The following CEP295 variants were observed in gnomAD, a reference collection of about 807,000 sequenced individuals.
CEP295 encodes the protein centrosomal protein of 295 kDa.
A neutral mutation model predicts 291.6 loss-of-function variants in CEP295; 190 were observed. That is an observed-to-expected ratio of 0.65 (90% confidence interval 0.58 to 0.73). The LOEUF (loss-of-function observed/expected upper bound fraction) is 0.73. Ranked by LOEUF, CEP295 falls within the 30% of genes least tolerant of loss-of-function variation. The probability of loss-of-function intolerance (pLI) is 0.00; values close to 1 mark genes in which losing one functional copy is unlikely to be tolerated. For synonymous variants in CEP295, 993 were observed against 1,038.8 expected (o/e 0.96, Z 0.85); for missense variants, 2,863 against 2,949.4 (o/e 0.97, Z 0.68).
intron 12 of CEP295, 89 bp from the exon 13 acceptor site, chr11:93,695,408 G>A (rs1032965237): frequency 6.5e-5 from 57 of 882,644 alleles, no homozygotes; most frequent in Non-Finnish European, 9.0e-5. Flanking sequence ...CCTTGGTGAA[G>A]AAACCTAATT....
Position 93,725,804 on chromosome 11 carries a change from A to G in CEP295, c.6472A>G (p.Ser2158Gly). 6.4e-7 allele frequency: 1 copy of G among 1,551,128 alleles called. No homozygotes were observed. The highest frequency in any genetic ancestry group is 1.2e-5 in the South Asian group (1 of 83,858). The change falls in exon 23 of 30, where the codon AGT becomes GGT. Residue 2158 changes from serine to glycine, a missense_variant. Around this residue, in one of 3 missense-constraint regions of CEP295, gnomAD observed 2,295 missense variants for 2,335.7 expected, o/e 0.98. Transcript: ENST00000325212. ...DTNLAHVGAH[S>G]FATENIIGGS... is the part of the protein sequence containing the mutation. Reference sequence around the variant, plus strand: ...TAACTTGGCTCATGTTGGAGCTCACAGTTTTGCTACAGAAAATATTATTGG... The same window carrying G: ...TAACTTGGCTCATGTTGGAGCTCACGGTTTTGCTACAGAAAATATTATTGG...
intron 17 of CEP295, among the ~76,000 whole-genome samples, chr11:93,706,499 A>C (rs940613331): frequency 6.6e-6 from 1 of 152,164 alleles, no homozygotes; most frequent in Admixed American, 6.6e-5. Context: ...TAAATTCTCC[A>C]CGAATTTTCT....
Position 93,699,783 on chromosome 11 carries a change from T to G in CEP295, c.4871T>G (p.Leu1624Arg). 2 of 1,552,226 alleles carry G rather than the reference T, an allele frequency of 1.3e-6. No homozygotes were observed. The highest frequency in any genetic ancestry group is 1.7e-6 in the Non-Finnish European group (2 of 1,147,102). Residue 1624 changes from leucine (L) to arginine (R), a missense_variant, in exon 15 of 30, where the codon CTG (leucine) becomes CGG (arginine). Leu to Arg is a moderately radical substitution (Grantham distance 102, BLOSUM62 -2). Transcript: ENST00000325212. ...TCTTATGAGAAACCCCAGGAAGAACTGTCTTTAAACAAACAAAGAAAGTTG... is the reference window on the plus strand; with the variant it reads ...TCTTATGAGAAACCCCAGGAAGAACGGTCTTTAAACAAACAAAGAAAGTTG... Reference protein sequence around the residue: ...MYSYEKPQEELSLNKQRKLNK... With the variant: ...MYSYEKPQEERSLNKQRKLNK...
intron 12 of CEP295, among the ~76,000 whole-genome samples, chr11:93,695,136 A>G (rs1473376378): frequency 2.0e-5 from 3 of 152,230 alleles, no homozygotes; most frequent in Non-Finnish European, 4.4e-5. Context: ...GTCATTATTT[A>G]TACTATTAAA....
At chr11:93,696,239 C>A in intron 13 of CEP295, 81 bp from the exon 14 acceptor site, 2 of 757,300 alleles carry the variant, frequency 2.6e-6, no homozygotes, top group Non-Finnish European at 4.3e-6. Context: ...TGGAAGTTTA[C>A]AATTATAGAA....
chr11:93,689,832 C>T (rs567722474), intron 10 of CEP295, among the ~76,000 whole-genome samples: 80 of 152,302 alleles, frequency 5.3e-4, no homozygotes, highest in African/African-American at 1.7e-3. Context: ...GCTCAGTTAA[C>T]ATTCGTTGAA....
At chr11:93,696,275 T>TA (rs1254925023) in intron 13 of CEP295, 45 bp from the exon 14 acceptor site, 1 of 1,137,094 alleles carries the variant, frequency 8.8e-7, no homozygotes, top group Admixed American at 2.2e-5. Context: ...CTTCAATACT[T>TA]ACTTCTAAAT....
Position 93,697,769 on chromosome 11 carries a change from C to T in CEP295, c.2857C>T (p.Leu953Phe). 1 of 1,551,704 alleles carries T rather than the reference C, an allele frequency of 6.4e-7. No individual in the cohort carries two copies. Among genetic ancestry groups the T allele is most frequent in the Non-Finnish European group, 8.7e-7 (1 of 1,146,988 alleles). ...ILSQQNNFKF[L>F]QEQLNIQKDS... ...ATCACAGCAAAATAATTTTAAATTT[C>T]TCCAAGAGCAGTTGAATATTCAGAA... The change falls in exon 15 of 30, where the codon CTC becomes TTC. Residue 953 changes from leucine (L) to phenylalanine (F), a missense_variant. Coordinates refer to ENST00000325212, the MANE Select transcript of CEP295 (RefSeq NM_033395.2).
chr11:93,664,190 T>C (rs1950111404), intron 1 of CEP295, among the ~76,000 whole-genome samples: 1 of 151,854 alleles, frequency 6.6e-6, no homozygotes, highest in Admixed American at 6.5e-5. Flanking sequence ...ATAATAAAGA[T>C]ACATTGTGAA....
intron 12 of CEP295, among the ~76,000 whole-genome samples, chr11:93,693,571 C>A (rs938251465): frequency 6.6e-6 from 1 of 152,078 alleles, no homozygotes; most frequent in Admixed American, 6.5e-5. Context: ...GCCTGGCCAA[C>A]ATGGTGAAAT....
intron 5 of CEP295, among the ~76,000 whole-genome samples, chr11:93,670,491 A>G (rs1200507833): frequency 6.6e-6 from 1 of 152,196 alleles, no homozygotes; most frequent in African/African-American, 2.4e-5. Flanking sequence ...ATGATTGTCA[A>G]AATTACCTAG....
intron 3 of CEP295, among the ~76,000 whole-genome samples, chr11:93,668,244 A>G (rs189578244): frequency 1.3e-5 from 2 of 152,298 alleles, no homozygotes; most frequent in East Asian, 3.9e-4. Context: ...TGGAAATACT[A>G]CAGTCCCAGA....
intron 18 of CEP295, among the ~76,000 whole-genome samples, chr11:93,714,416 A>G (rs558617488): frequency 6.6e-6 from 1 of 152,226 alleles, no homozygotes; most frequent in South Asian, 2.1e-4. Context: ...ACGCCCAGCT[A>G]ATTTTTGTAT....
At position 93,690,289 on chromosome 11, in the gene CEP295, G is replaced by A. The variant is rs563643728; in HGVS notation, c.1337-1394G>A. 8.5e-4 allele frequency among the ~76,000 whole-genome samples: 130 copies of A among 152,190 alleles called. 1 individual carries two copies. Among genetic ancestry groups the A allele is most frequent in the African/African-American group, 3.0e-3 (124 of 41,520 alleles). The stretch of plus-strand genomic sequence containing the variant: ...AGCCGTGCATGGGCTGGGTGCGGTG[G>A]CTCATGCCTCTAATCCCAACACTTT... On this transcript the variant is annotated intron_variant, in intron 10 of 29. Coordinates refer to ENST00000325212, the MANE Select transcript of CEP295 (RefSeq NM_033395.2).
At chr11:93,691,296 C>T (rs1157254093) in intron 10 of CEP295, among the ~76,000 whole-genome samples, 1 of 152,212 alleles carries the variant, frequency 6.6e-6, no homozygotes, top group Admixed American at 6.5e-5. Context: ...TCCTTCTCTG[C>T]TCTGGTTTCA....
chr11:93,684,662 A>G (rs1285877906), intron 9 of CEP295, among the ~76,000 whole-genome samples: 3 of 152,234 alleles, frequency 2.0e-5, no homozygotes, highest in Non-Finnish European at 4.4e-5. Context: ...ACTAAGTGAC[A>G]GTACTATTTA....
rs1281569322 is a variant in CEP295, at chr11:93,710,734, T to C, written c.5749+3837T>C. ...TCGGTAAAATTCAGCAGTGAAGCGA[T>C]AGTGTCCTGAGCTTTTCTTTGCTGG... is the stretch of plus-strand genomic sequence containing the variant. On this transcript the variant is annotated intron_variant, in intron 18 of 29. Transcript: ENST00000325212. Among the ~76,000 whole-genome samples, 7 of 152,332 alleles carry C rather than the reference T, an allele frequency of 4.6e-5. 1 individual carries two copies. Among genetic ancestry groups the C allele is most frequent in the Admixed American group, 6.5e-5 (1 of 15,302 alleles).
chr11:93,687,940 CAAAG>C, intron 10 of CEP295, 75 bp downstream of exon 10: 2 of 1,038,080 alleles, frequency 1.9e-6, no homozygotes, highest in South Asian at 3.5e-5. Flanking sequence ...TCTGAAAAAT[CAAAG>C]AATAGAGGTT....
At chr11:93,666,543 G>A (rs573121097) in intron 1 of CEP295, 139 bp from the exon 2 acceptor site, 12 of 480,302 alleles carry the variant, frequency 2.5e-5, no homozygotes, top group Non-Finnish European at 4.5e-5. Context: ...ACAGTAAGCT[G>A]AGATCGCACC....
Sources: allele counts gnomAD v4.1 joint callset (sites outside exome capture counted in the v4.1 genomes callset), GRCh38; gene constraint gnomAD v4.1.1; regional missense constraint gnomAD v4.1.1; transcripts MANE v1.5; gene names NCBI Gene and HGNC (gene_info 2026-07-23, HGNC 2026-07-21).